Variants in FRRS1 observed in about 807,000 individuals in gnomAD.
FRRS1 encodes the protein ferric chelate reductase 1, also known as ferric reductase 1.
In FRRS1, 51 loss-of-function variants were observed where a neutral mutation model predicts 70.7. The ratio of observed to expected loss-of-function variants is 0.72; its 90% CI spans 0.58 to 0.91. The LOEUF (loss-of-function observed/expected upper bound fraction) is 0.91, where lower values mean the gene tolerates loss of function less well. Among genes scored for constraint, FRRS1 ranks in the 40% least tolerant of loss-of-function variants. The probability of loss-of-function intolerance (pLI) is 0.00; values close to 1 mark genes in which losing one functional copy is unlikely to be tolerated. For synonymous variants in FRRS1, 225 were observed against 238.7 expected (o/e 0.94, Z 0.53); for missense variants, 672 against 726.0 (o/e 0.93, Z 0.86).
At position 99,708,625 on chromosome 1, in the gene FRRS1, A is replaced by AAAAAATATATAT. The variant is rs1553169357; in HGVS notation, c.*402_*403insATATATATTTTT. On this transcript the variant is annotated 3_prime_UTR_variant, in exon 17 of 17. Coordinates refer to ENST00000646001, the MANE Select transcript of FRRS1 (RefSeq NM_001361041.2). The stretch of plus-strand genomic sequence containing the variant: ...AAAAAAAAAAAAAAAAAAAAAAAAA[A>AAAAAATATATAT]ATATATATATATATATATATATATA... The AAAAAATATATAT allele has an allele frequency of 1.9e-5, 1 of 52,734 alleles. No homozygotes were observed. Among genetic ancestry groups the AAAAAATATATAT allele is most frequent in the Non-Finnish European group, 3.1e-5 (1 of 32,522 alleles). 3.3% of individuals were successfully genotyped at this position (52,734 alleles called of 1,614,324 possible).
At chr1:99,723,336 C>T (rs745985805) in intron 9 of FRRS1, among the ~76,000 whole-genome samples, 2 of 151,730 alleles carry the variant, frequency 1.3e-5, no homozygotes, top group African/African-American at 4.8e-5. Context: ...GGCAACATGA[C>T]GAGACCCCAT....
intron 7 of FRRS1, among the ~76,000 whole-genome samples, chr1:99,731,077 A>C (rs1267787457): frequency 1.3e-5 from 2 of 152,192 alleles, no homozygotes; most frequent in African/African-American, 4.8e-5. Flanking sequence ...AGTGATAATC[A>C]AAAAGCAGAC....
chr1:99,723,813 C>G (rs1455344428), intron 9 of FRRS1, among the ~76,000 whole-genome samples: 1 of 152,050 alleles, frequency 6.6e-6, no homozygotes, highest in Non-Finnish European at 1.5e-5. Context: ...TGTTAGGACA[C>G]CTGGTTACTC....
intron 4 of FRRS1, among the ~76,000 whole-genome samples, chr1:99,745,627 T>C (rs1656216912): frequency 6.6e-6 from 1 of 152,098 alleles, no homozygotes; most frequent in Non-Finnish European, 1.5e-5. Flanking sequence ...AAGGCTGCAG[T>C]GAGCTGAGAT....
In FRRS1 at chr1:99,748,543, A is replaced by G. The variant is rs1424085029; in HGVS notation, c.196+30T>C. The G allele has an allele frequency of 1.9e-6, 3 of 1,547,332 alleles. No individual in the cohort carries two copies. The African/African-American group carries it at 4.1e-5, about 21-fold the overall frequency. On this transcript the variant is annotated intron_variant, in intron 3 of 16. Coordinates refer to ENST00000646001, the MANE Select transcript of FRRS1 (RefSeq NM_001361041.2). The stretch of plus-strand genomic sequence containing the variant: ...ATAAACAGTAAAAGAGTGAAATCCA[A>G]AATGTAAACAGTTAATCCCAGCACG...
chr1:99,715,350 A>C (rs1186541185), intron 12 of FRRS1, among the ~76,000 whole-genome samples: 1 of 152,206 alleles, frequency 6.6e-6, no homozygotes, highest in African/African-American at 2.4e-5. Context: ...AGGCTATAGC[A>C]TGTATATAAC....
rs1159416052 is a variant in FRRS1 at position 99,704,496 on chromosome 1, G to A, written c.*4532C>T. ...AAGGAAGTGCTGGGTAGAGGAGGGC[G>A]TGGTCCCTGGCGAGGGCTCCACCCC... On this transcript the variant is annotated 3_prime_UTR_variant, in exon 17 of 17. Coordinates refer to ENST00000646001, the MANE Select transcript of FRRS1 (RefSeq NM_001361041.2). Among the ~76,000 whole-genome samples the A allele has an allele frequency of 6.6e-6, 1 of 152,152 alleles. No individual in the cohort carries two copies. The highest frequency in any genetic ancestry group is 6.5e-5 in the Admixed American group (1 of 15,270).
At chr1:99,724,879 A>G (rs1364762215) in intron 9 of FRRS1, among the ~76,000 whole-genome samples, 1 of 151,810 alleles carries the variant, frequency 6.6e-6, no homozygotes, top group Admixed American at 6.6e-5. Context: ...TATTGTATTA[A>G]TATCTATTAC....
At chr1:99,761,287 CA>C (rs1419049107) in intron 1 of FRRS1, among the ~76,000 whole-genome samples, 1 of 151,900 alleles carries the variant, frequency 6.6e-6, no homozygotes, top group Non-Finnish European at 1.5e-5. Flanking sequence ...CCACCATGCC[CA>C]GCTAATTTTT....
At chr1:99,726,500 C>CTAGG (rs1316651312) in intron 9 of FRRS1, among the ~76,000 whole-genome samples, 1 of 152,188 alleles carries the variant, frequency 6.6e-6, no homozygotes, top group Non-Finnish European at 1.5e-5. Flanking sequence ...CTTGACCCTA[C>CTAGG]TAGGTCCCAG....
intron 1 of FRRS1, among the ~76,000 whole-genome samples, chr1:99,757,556 G>T (rs1210877598): frequency 6.6e-6 from 1 of 152,168 alleles, no homozygotes; most frequent in Non-Finnish European, 1.5e-5. Context: ...GTAATCTTCT[G>T]TATGAGAAAG....
chr1:99,709,018 C>CTT lies in FRRS1; in HGVS notation c.*8_*9dup. ...TCACTTGGCCTGCAAAAGCCAAGGTCTTTGCTTGCTCATAGATGGTTGATT... is the reference window on the plus strand; with the variant it reads ...TCACTTGGCCTGCAAAAGCCAAGGTCTTTTTGCTTGCTCATAGATGGTTGATT... On this transcript the variant is annotated 3_prime_UTR_variant, in exon 17 of 17. Transcript: ENST00000646001. 1 of 1,613,680 alleles carries CTT rather than the reference C, an allele frequency of 6.2e-7. No homozygotes were observed. Among genetic ancestry groups the CTT allele is most frequent in the Non-Finnish European group, 8.5e-7 (1 of 1,179,808 alleles).
At chr1:99,748,190 A>AT (rs1656382668) in intron 3 of FRRS1, 1 of 166,002 alleles carries the variant, frequency 6.0e-6, no homozygotes, top group African/African-American at 2.4e-5. Context: ...GCTGTTATAG[A>AT]TTTATCTTTA....
Position 99,712,471 on chromosome 1 carries a change from CAA to C in FRRS1, c.1366_1367del (p.Leu456GlyfsTer16). On this transcript the variant is annotated frameshift_variant, in exon 13 of 17. Coordinates refer to ENST00000646001, the MANE Select transcript of FRRS1 (RefSeq NM_001361041.2). LOFTEE classifies it high-confidence loss of function. ...HPYLGCIVMTLAVLQPLLAVF... is the reference protein window; with the variant it reads ...HPYLGCIVMTXAVLQPLLAVF... ...CTGCCAGAAGAGGCTGAAGAACTGC[CAA>C]AGTCATCACTATACAGCCGAGGTAT... 1.9e-6 allele frequency: 3 copies of C among 1,613,360 alleles called. No homozygotes were observed. The African/African-American group carries it at 4.0e-5, about 22-fold the overall frequency.
chr1:99,730,643 A>G lies in FRRS1; in HGVS notation c.760-895T>C, dbSNP rs189570410. 3.4e-3 allele frequency among the ~76,000 whole-genome samples: 511 copies of G among 152,168 alleles called. 2 individuals carry two copies. Among genetic ancestry groups the G allele is most frequent in the African/African-American group, 0.011 (441 of 41,516 alleles). ...AGCACTTTGGGAGGCCAAGGCGGGC[A>G]GATCACGAGGTCAGGAGATCCAGAC... On this transcript the variant is annotated intron_variant, in intron 7 of 16. Transcript: ENST00000646001.
In FRRS1 at chr1:99,729,497, T is replaced by C. The variant is rs751525161; in HGVS notation, c.858+153A>G. 4.6e-5 allele frequency among the ~76,000 whole-genome samples: 7 copies of C among 152,192 alleles called. 1 individual carries two copies. Among genetic ancestry groups the C allele is most frequent in the Admixed American group, 1.3e-4 (2 of 15,278 alleles). ...GAAGTGTAGAAAAGTTTCTCAGAAA[T>C]CATTATGAGAGGAGCCCTGCTGGCA... On this transcript the variant is annotated intron_variant, in intron 8 of 16. Coordinates refer to ENST00000646001, the MANE Select transcript of FRRS1 (RefSeq NM_001361041.2).
chr1:99,710,659 A>G (rs1408246434), intron 15 of FRRS1, 147 bp downstream of exon 15: 10 of 636,626 alleles, frequency 1.6e-5, no homozygotes, highest in Non-Finnish European at 2.7e-5. Flanking sequence ...AAGGCAGAAA[A>G]TCACAATTTC....
At chr1:99,745,435 G>A (rs1439056481) in intron 4 of FRRS1, among the ~76,000 whole-genome samples, 3 of 152,184 alleles carry the variant, frequency 2.0e-5, no homozygotes, top group Non-Finnish European at 4.4e-5. Context: ...TGTAATCCCA[G>A]TGCTTTGGGA....
At chr1:99,749,099 A>G (rs1226246444) in intron 1 of FRRS1, 98 bp from the exon 2 acceptor site, 3 of 190,860 alleles carry the variant, frequency 1.6e-5, no homozygotes, top group Non-Finnish European at 3.2e-5. Flanking sequence ...GCAGTGGCAC[A>G]ATCTCGGCTC....
Sources: allele counts gnomAD v4.1 joint callset (sites outside exome capture counted in the v4.1 genomes callset), GRCh38; gene constraint gnomAD v4.1.1; transcripts MANE v1.5; gene names NCBI Gene and HGNC (gene_info 2026-07-23, HGNC 2026-07-21).